Variants in QTMAN observed in about 807,000 individuals in gnomAD.
QTMAN encodes tRNA-queuosine alpha-mannosyltransferase.
chr2:144,257,398 G>C, the QTMAN span, among the ~76,000 whole-genome samples: 11 of 151,494 alleles, frequency 7.3e-5, no homozygotes, highest in Non-Finnish European at 1.3e-4. Flanking sequence ...CACAGAAGGA[G>C]AGAGAAAAAA....
chr2:144,271,077 T>C, the QTMAN span, among the ~76,000 whole-genome samples: 3 of 152,250 alleles, frequency 2.0e-5, 1 homozygote, highest in Admixed American at 1.3e-4. Flanking sequence ...CTAATTCTTA[T>C]TAGTTTTTTC....
chr2:144,146,953 G>A, the QTMAN span, among the ~76,000 whole-genome samples: 26 of 151,814 alleles, frequency 1.7e-4, no homozygotes, highest in African/African-American at 6.3e-4. Context: ...TGAATTGGTT[G>A]CAGACCACTT....
the QTMAN span, among the ~76,000 whole-genome samples, chr2:144,139,244 T>C: frequency 6.6e-6 from 1 of 152,076 alleles, no homozygotes; most frequent in Non-Finnish European, 1.5e-5. Context: ...AGTTCTCTAT[T>C]TTCATGTGTC....
At chr2:144,155,844 C>A in the QTMAN span, among the ~76,000 whole-genome samples, 2 of 151,850 alleles carry the variant, frequency 1.3e-5, no homozygotes, top group African/African-American at 4.8e-5. Context: ...TTAAAGTAAT[C>A]ATGACAATAA....
the QTMAN span, among the ~76,000 whole-genome samples, chr2:144,118,981 G>A: frequency 2.0e-5 from 3 of 152,264 alleles, no homozygotes; most frequent in African/African-American, 4.8e-5. Flanking sequence ...CTTACTCAGG[G>A]TCTGGATGCC....
chr2:143,941,988 A>T, the QTMAN span: 1 of 156,540 alleles, frequency 6.4e-6, no homozygotes, highest in Non-Finnish European at 1.5e-5. Flanking sequence ...GTGAAATGAT[A>T]TTGAAGACAT....
the QTMAN span, among the ~76,000 whole-genome samples, chr2:144,302,063 A>C: frequency 6.6e-6 from 1 of 152,074 alleles, no homozygotes; most frequent in African/African-American, 2.4e-5. Context: ...CCTAGCTATA[A>C]GCCTCTGAGA....
chr2:144,205,792 CT>C, the QTMAN span, among the ~76,000 whole-genome samples: 1 of 152,180 alleles, frequency 6.6e-6, no homozygotes, highest in African/African-American at 2.4e-5. Context: ...AGTAGAAATG[CT>C]TCATCCTGGA....
the QTMAN span, among the ~76,000 whole-genome samples, chr2:144,046,277 T>C: frequency 6.6e-6 from 1 of 152,250 alleles, no homozygotes; most frequent in Admixed American, 6.5e-5. Flanking sequence ...CAGTTTCATA[T>C]TTGGACAAAA....
the QTMAN span, chr2:143,940,831 ATAGAGAAGAGT>A: frequency 2.0e-5 from 3 of 152,260 alleles, no homozygotes; most frequent in African/African-American, 4.8e-5. Context: ...TCGAAAGGCA[ATAGAGAAGAGT>A]CAGTTGTCCA....
At chr2:143,992,269 C>T in the QTMAN span, among the ~76,000 whole-genome samples, 168 of 149,178 alleles carry the variant, frequency 1.1e-3, 1 homozygote, top group Non-Finnish European at 1.7e-3. Context: ...ATGTGCTGTG[C>T]CCACTCAGGG....
At chr2:144,000,073 T>A in the QTMAN span, among the ~76,000 whole-genome samples, 1 of 152,062 alleles carries the variant, frequency 6.6e-6, no homozygotes, top group Non-Finnish European at 1.5e-5. Context: ...GCACCAAAAA[T>A]GGAATTTTGG....
chr2:144,212,340 T>C, the QTMAN span, among the ~76,000 whole-genome samples: 1 of 152,058 alleles, frequency 6.6e-6, no homozygotes, highest in Non-Finnish European at 1.5e-5. Context: ...GGCATGCCCG[T>C]AATCCCAGCT....
At chr2:143,985,096 C>T in the QTMAN span, among the ~76,000 whole-genome samples, 1 of 152,332 alleles carries the variant, frequency 6.6e-6, no homozygotes, top group East Asian at 1.9e-4. Flanking sequence ...ACAGACACCT[C>T]CTCCTGGACA....
the QTMAN span, among the ~76,000 whole-genome samples, chr2:144,052,068 T>C: frequency 6.6e-6 from 1 of 152,234 alleles, no homozygotes; most frequent in African/African-American, 2.4e-5. Flanking sequence ...CTGAGTTGTC[T>C]TGTTCACTGC....
the QTMAN span, among the ~76,000 whole-genome samples, chr2:144,069,247 G>A: frequency 6.9e-6 from 1 of 145,828 alleles, no homozygotes; most frequent in Non-Finnish European, 1.5e-5. Flanking sequence ...GCTTACCTTC[G>A]ACAGGATTTG....
At chr2:143,983,135 G>T in the QTMAN span, among the ~76,000 whole-genome samples, 1 of 152,078 alleles carries the variant, frequency 6.6e-6, no homozygotes. Context: ...CTCATATTTA[G>T]TATCTGTACT....
chr2:144,229,070 A>G, the QTMAN span, among the ~76,000 whole-genome samples: 1 of 152,214 alleles, frequency 6.6e-6, no homozygotes, highest in African/African-American at 2.4e-5. Flanking sequence ...TTTGAATTTG[A>G]AAAGTGTATA....
At chr2:144,258,806 A>G in the QTMAN span, among the ~76,000 whole-genome samples, 1 of 152,240 alleles carries the variant, frequency 6.6e-6, no homozygotes, top group Non-Finnish European at 1.5e-5. Flanking sequence ...GTGTTAGTAT[A>G]AAGACTAAAT....
Sources: allele counts gnomAD v4.1 joint callset (sites outside exome capture counted in the v4.1 genomes callset), GRCh38; gene constraint gnomAD v4.1.1; transcripts MANE v1.5; gene names NCBI Gene and HGNC (gene_info 2026-07-23, HGNC 2026-07-21).